DDX3X: variants seen among roughly 807,000 people sequenced by gnomAD.
The protein encoded by DDX3X is ATP-dependent RNA helicase DDX3X.
A neutral mutation model predicts 52.7 loss-of-function variants in DDX3X; 4 were observed. That is an observed-to-expected ratio of 0.08 (90% CI 0.04 to 0.17). The LOEUF (loss-of-function observed/expected upper bound fraction) is 0.17. DDX3X is among the 10% of genes least tolerant of loss of function. The probability of loss-of-function intolerance (pLI) is 1.00; values close to 1 mark genes in which losing one functional copy is unlikely to be tolerated. For synonymous variants in DDX3X, 192 were observed against 178.1 expected, an observed-to-expected ratio of 1.08 and a Z score of -0.62; for missense variants, 222 against 548.6, an observed-to-expected ratio of 0.40 and a Z score of 5.95.
intron 5 of DDX3X, among the ~76,000 whole-genome samples, chrX:41,360,292 C>T (rs79990230): frequency 0.078 from 8,096 of 104,242 alleles, 322 homozygotes; most frequent in East Asian, 0.36. Context: ...GCAGGAGAAT[C>T]GCTTGAACCC....
chrX:41,354,822 T>TTTGTTGTTG (rs200807872), downstream of DDX3X, among the ~76,000 whole-genome samples: 1 of 104,861 alleles, frequency 9.5e-6, no homozygotes, highest in African/African-American at 3.5e-5. Flanking sequence ...TGTAAATAGT[T>TTTGTTGTTG]TTGTTGTTGT....
chrX:41,351,329 T>G (rs2063984417), downstream of DDX3X: 1 of 112,316 alleles, frequency 8.9e-6, no homozygotes, highest in African/African-American at 3.2e-5. Flanking sequence ...TGGTTTAATT[T>G]TAATTACACT....
At chrX:41,333,815 G>A (rs2063712366), upstream of DDX3X, 1 of 132,758 alleles carries the variant, frequency 7.5e-6, no homozygotes, top group South Asian at 2.5e-4. Context: ...AAGAGGCCTA[G>A]GTTAACATTT....
At position 41,348,774 on chromosome X, in the gene DDX3X, G is replaced by A. The variant is rs1462971011; in HGVS notation, c.*1055G>A. 8.9e-6 allele frequency: 1 copy of A among 112,094 alleles called. No homozygotes were observed. Among genetic ancestry groups the A allele is most frequent in the Non-Finnish European group, 1.9e-5 (1 of 53,165 alleles). 9.2% of individuals were successfully genotyped at this position (112,094 alleles called of 1,213,427 possible). A position where few individuals can be genotyped will look rare whatever the true frequency, so the allele number is the denominator to read the frequency against. ...TGCAGCAGGCTTTATTTTAAATGCC[G>A]ATTCACATTACTCTGTTCAAGCTGC... On this transcript the variant is annotated 3_prime_UTR_variant, in exon 17 of 17. Coordinates refer to ENST00000644876, the MANE Select transcript of DDX3X (RefSeq NM_001356.5).
intron 9 of DDX3X, 24 bp from the exon 10 acceptor site, chrX:41,344,215 T>A (rs1347527573): frequency 2.5e-6 from 3 of 1,203,081 alleles, no homozygotes; most frequent in Middle Eastern, 2.3e-4. Context: ...ACCTTGAAGT[T>A]CATAACATTT....
chrX:41,334,506 C>T (rs2063727542), intron 1 of DDX3X: 11 of 1,094,945 alleles, frequency 1.0e-5, no homozygotes, highest in Admixed American at 3.3e-5. Flanking sequence ...TGTATTGTCC[C>T]CGGGACGAGC....
At position 41,345,277 on chromosome X, in the gene DDX3X, G is replaced by A; in HGVS notation, c.1123G>A (p.Val375Ile). 3 of 1,211,219 alleles carry A rather than the reference G, an allele frequency of 2.5e-6. No individual in the cohort carries two copies. Among genetic ancestry groups the A allele is most frequent in the Non-Finnish European group, 3.4e-6 (3 of 895,055 alleles). ...ACAAGATACTATGCCTCCAAAGGGT[G>A]TCCGCCACACTATGATGTTTAGTGC... Reference protein sequence around the residue: ...VEQDTMPPKGVRHTMMFSATF... With the variant: ...VEQDTMPPKGIRHTMMFSATF... Residue 375 changes from valine (V) to isoleucine (I), a missense_variant, in exon 11 of 17, where the codon GTC (valine) becomes ATC (isoleucine). Around this residue, in one of 5 missense-constraint regions of DDX3X, gnomAD observed 73 missense variants for 301.4 expected, o/e 0.24. Coordinates refer to ENST00000644876, the MANE Select transcript of DDX3X (RefSeq NM_001356.5).
chrX:41,338,224 T>C (rs1248396128), intron 2 of DDX3X: 2 of 111,099 alleles, frequency 1.8e-5, no homozygotes, highest in South Asian at 3.8e-4. Context: ...TTCCTACTTA[T>C]TAAAACAAAA....
At chrX:41,354,551 ACTC>A (rs1169385102), downstream of DDX3X, among the ~76,000 whole-genome samples, 5 of 103,323 alleles carry the variant, frequency 4.8e-5, no homozygotes, top group Non-Finnish European at 7.9e-5. Context: ...CTTGAACTGA[ACTC>A]CTCAAGTGAT....
At chrX:41,364,156 C>T (rs764530574) in intron 5 of DDX3X, 2 of 288,571 alleles carry the variant, frequency 6.9e-6, no homozygotes, top group African/African-American at 2.8e-5. Flanking sequence ...CTCCCAGTTC[C>T]GGTCAATGTA....
At chrX:41,350,981 TC>T (rs1172897477), downstream of DDX3X, 3 of 112,213 alleles carry the variant, frequency 2.7e-5, no homozygotes, top group East Asian at 8.4e-4. Flanking sequence ...GGATAATCTT[TC>T]CAGTCATGAA....
chrX:41,345,154 G>A (rs755134354), intron 10 of DDX3X, 26 bp from the exon 11 acceptor site: 2 of 1,201,354 alleles, frequency 1.7e-6, no homozygotes, highest in Non-Finnish European at 2.2e-6. Context: ...CTAAACTCAG[G>A]CTTGTTTTTT....
At chrX:41,356,865 C>T (rs765321033) in intron 5 of DDX3X, among the ~76,000 whole-genome samples, 1 of 107,814 alleles carries the variant, frequency 9.3e-6, no homozygotes, top group Non-Finnish European at 1.9e-5. Context: ...TCTAGGTTCA[C>T]AATTCCGTTT....
intron 1 of DDX3X, chrX:41,336,446 AG>A (rs1244070994): frequency 8.9e-6 from 1 of 112,096 alleles, no homozygotes; most frequent in Non-Finnish European, 1.9e-5. Context: ...ATTTATTCAA[AG>A]TCATCTTTGA....
At chrX:41,342,346 A>C (rs1602128731) in intron 4 of DDX3X, 149 bp from the exon 5 acceptor site, 2 of 558,281 alleles carry the variant, frequency 3.6e-6, no homozygotes, top group East Asian at 7.2e-5. Context: ...CTGGTTAGAG[A>C]GCCTTATTTG....
At chrX:41,334,845 C>T in intron 1 of DDX3X, 19 of 745,580 alleles carry the variant, frequency 2.5e-5, no homozygotes, top group East Asian at 2.0e-4. Flanking sequence ...TTGTGTGGTG[C>T]TGGGCGGCGC....
In DDX3X at chrX:41,347,959, C is replaced by T. The variant is rs1415649893; in HGVS notation, c.*240C>T. 5.7e-6 allele frequency: 2 copies of T among 348,543 alleles called. No homozygotes were observed. The highest frequency in any genetic ancestry group is 5.4e-5 in the African/African-American group (2 of 36,907). 28.7% of individuals were successfully genotyped at this position (348,543 alleles called of 1,213,427 possible). ...TGCTGTAGTTTGGATTAACTCCCCT[C>T]CCGCCTACCCCCATCCCAAACTGCA... On this transcript the variant is annotated 3_prime_UTR_variant, in exon 17 of 17. Coordinates refer to ENST00000644876, the MANE Select transcript of DDX3X (RefSeq NM_001356.5).
chrX:41,340,484 C>T (rs1356975944), intron 3 of DDX3X: 1 of 172,068 alleles, frequency 5.8e-6, no homozygotes, highest in Non-Finnish European at 1.1e-5. Flanking sequence ...GTTGCTGAAG[C>T]TAGTTAAACC....
intron 5 of DDX3X, among the ~76,000 whole-genome samples, chrX:41,357,261 CTT>C (rs1376758700): frequency 9.1e-6 from 1 of 109,723 alleles, no homozygotes; most frequent in Non-Finnish European, 1.9e-5. Flanking sequence ...TATAATAAGT[CTT>C]AACGTTGGGT....
Sources: allele counts gnomAD v4.1 joint callset (sites outside exome capture counted in the v4.1 genomes callset), GRCh38; gene constraint gnomAD v4.1.1; regional missense constraint gnomAD v4.1.1; transcripts MANE v1.5; gene names NCBI Gene and HGNC (gene_info 2026-07-23, HGNC 2026-07-21).